Variants in MMEL1 observed in about 807,000 individuals in gnomAD.
MMEL1 encodes the protein membrane metalloendopeptidase like 1.
A neutral mutation model predicts 117.1 loss-of-function variants in MMEL1; 98 were observed. That is an observed-to-expected ratio of 0.84 (90% CI 0.71 to 0.99). MMEL1 has a LOEUF of 0.99. MMEL1 is among the 50% of genes least tolerant of loss of function. MMEL1 has a pLI of 0.00. For missense variants in MMEL1, 1,014 were observed against 1,049.1 expected, an observed-to-expected ratio of 0.97 and a Z score of 0.46; for synonymous variants, 390 against 415.1, an observed-to-expected ratio of 0.94 and a Z score of 0.74.
intron 6 of MMEL1, 146 bp downstream of exon 6, chr1:2,609,193 A>G (rs1645085082): frequency 1.3e-6 from 1 of 765,456 alleles, no homozygotes; most frequent in Non-Finnish European, 2.1e-6. Context: ...AGCGGGACAC[A>G]GCACATAGAC....
rs143836980 is a variant in MMEL1, at chr1:2,609,864, G to A, written c.293-33C>T. Reference sequence around the variant, plus strand: ...TCCCCATGGCGTGGAGCAGGGAGAGGGGAGACAGAGAGAGTTGTGGACAGC... The same window carrying A: ...TCCCCATGGCGTGGAGCAGGGAGAGAGGAGACAGAGAGAGTTGTGGACAGC... On this transcript the variant is annotated intron_variant, in intron 4 of 23. Coordinates refer to ENST00000378412, the MANE Select transcript of MMEL1 (RefSeq NM_033467.4). 2.4e-5 allele frequency: 38 copies of A among 1,579,012 alleles called. No individual in the cohort carries two copies. The African/African-American group carries it at 4.8e-4, about 20-fold the overall frequency.
In MMEL1 at chr1:2,609,574, G is replaced by A. The variant is rs1010121334; in HGVS notation, c.454+96C>T. The A allele has an allele frequency of 3.2e-6, 5 of 1,540,232 alleles. No homozygotes were observed. In the African/African-American group the frequency reaches 5.4e-5, roughly 17 times the overall value. ...CTGCGCCCACTGGACCAAGGAGGAA[G>A]CACAAACAGGGGCGAGACACAGCCA... On this transcript the variant is annotated intron_variant, in intron 5 of 23. Coordinates refer to ENST00000378412, the MANE Select transcript of MMEL1 (RefSeq NM_033467.4).
chr1:2,593,769 C>A (rs78027076), intron 19 of MMEL1, 45 bp downstream of exon 19: 1 of 1,528,438 alleles, frequency 6.5e-7, no homozygotes, highest in Non-Finnish European at 8.8e-7. Flanking sequence ...GCTGCTTCTC[C>A]GCGGAGAGGG....
At chr1:2,623,947 T>C (rs1645330492) in intron 2 of MMEL1, among the ~76,000 whole-genome samples, 3 of 152,194 alleles carry the variant, frequency 2.0e-5, no homozygotes, top group Non-Finnish European at 1.5e-5. Flanking sequence ...CAGGAGATCC[T>C]TGTGGGCCCA....
rs1644832160 is a variant in MMEL1, at chr1:2,596,001, C to T, written c.1500+8G>A. 1 of 1,613,128 alleles carries T rather than the reference C, an allele frequency of 6.2e-7. No individual in the cohort carries two copies. The highest frequency in any genetic ancestry group is 8.5e-7 in the Non-Finnish European group (1 of 1,179,322). ...TCGGGGCTGCCCTGACCTCTGCGAG[C>T]CACATACCTTCTCCTGCGCCTTCTT... On this transcript the variant is annotated splice_region_variant and intron_variant, in intron 15 of 23. Transcript: ENST00000378412.
In MMEL1 at chr1:2,593,040, C is replaced by T. The variant is rs1644768159; in HGVS notation, c.1868-74G>A. The T allele has an allele frequency of 2.6e-6, 4 of 1,556,372 alleles. No individual in the cohort carries two copies. In the East Asian group the frequency reaches 9.0e-5, roughly 35 times the overall value. Reference sequence around the variant, plus strand: ...GCCTGGCCCCACGGCAGCCACTGTGCCTGGCCGCTCCTGCCCCTCCTGCAG... The same window carrying T: ...GCCTGGCCCCACGGCAGCCACTGTGTCTGGCCGCTCCTGCCCCTCCTGCAG... On this transcript the variant is annotated intron_variant, in intron 19 of 23. Transcript: ENST00000378412.
intron 2 of MMEL1, among the ~76,000 whole-genome samples, chr1:2,617,601 A>C (rs1645224610): frequency 6.6e-6 from 1 of 152,090 alleles, no homozygotes; most frequent in South Asian, 2.1e-4. Context: ...TTCTATCTCA[A>C]AAAAAAGAAG....
chr1:2,629,028 C>CGGCGGAGGCGGA (rs540228927), intron 2 of MMEL1, among the ~76,000 whole-genome samples: 10 of 151,710 alleles, frequency 6.6e-5, no homozygotes, highest in South Asian at 2.1e-4. Context: ...TCCGGGAGTC[C>CGGCGGAGGCGGA]GGCGGAGGCG....
chr1:2,629,548 G>T, intron 1 of MMEL1, 27 bp from the exon 2 acceptor site: 1 of 1,395,778 alleles, frequency 7.2e-7, no homozygotes, highest in Non-Finnish European at 9.3e-7. Flanking sequence ...GGGGAGAGGG[G>T]AGAGGGGCGT....
Position 2,594,844 on chromosome 1 carries a change from T to A in MMEL1, c.1634A>T (p.Lys545Met). Residue 545 changes from lysine to methionine, a missense_variant, in exon 17 of 24, where the codon AAG (lysine) becomes ATG (methionine). By Grantham distance (95) the Lys-to-Met change is moderately conservative. Transcript: ENST00000378412. ...LYFENSLQNL[K>M]VGAQRSLRKL... ...CCTGAGGCTCCGCTGGGCGCCCACC[T>A]TGAGGTTCTGCAGACTGTTCTCAAA... is the stretch of plus-strand genomic sequence containing the variant. 2 of 1,613,932 alleles carry A rather than the reference T, an allele frequency of 1.2e-6. No individual in the cohort carries two copies. The highest frequency in any genetic ancestry group is 1.7e-6 in the Non-Finnish European group (2 of 1,179,958).
Position 2,612,075 on chromosome 1 carries a change from A to G in MMEL1, c.232+52T>C. The G allele has an allele frequency of 1.4e-6, 2 of 1,467,860 alleles. No homozygotes were observed. Among genetic ancestry groups the G allele is most frequent in the Non-Finnish European group, 1.9e-6 (2 of 1,069,572 alleles). 90.9% of individuals were successfully genotyped at this position (1,467,860 alleles called of 1,614,324 possible). The stretch of plus-strand genomic sequence containing the variant: ...CTCCACGGAGTCCCCCCACCTTGGG[A>G]GGCCAGCGCCCACCTGCCTGGGGCT... On this transcript the variant is annotated intron_variant, in intron 3 of 23. Transcript: ENST00000378412. The surrounding 1 kb of genome is among the most constrained non-coding windows in gnomAD (Gnocchi z 5.4).
rs754727791 is a variant in MMEL1 at position 2,595,336 on chromosome 1, G to A, written c.1524C>T (p.Ile508=). The part of the protein sequence containing the change: ...QEKAMSIREQ[I]GHPDYILEEM... ...CCTCCAGGATGTAGTCAGGGTGCCC[G>A]ATCTGCTCCCGGATGCTCATGGCCT... The change falls in exon 16 of 24, where the codon ATC becomes ATT. Residue 508 remains isoleucine (I), a synonymous_variant. Transcript: ENST00000378412. This position sits in a 1 kb window ranked among gnomAD's most constrained non-coding sequence, Gnocchi z 4.8. 12 of 1,613,894 alleles carry A rather than the reference G, an allele frequency of 7.4e-6. No individual in the cohort carries two copies. Among genetic ancestry groups the A allele is most frequent in the Admixed American group, 1.7e-5 (1 of 60,010 alleles).
chr1:2,629,709 C>G (rs186194316), intron 1 of MMEL1, 188 bp from the exon 2 acceptor site: 2 of 522,602 alleles, frequency 3.8e-6, no homozygotes, highest in African/African-American at 4.0e-5. Flanking sequence ...ACCCCTGGGC[C>G]GGAATCTCTG....
At chr1:2,608,629 C>T (rs1034896500) in intron 6 of MMEL1, among the ~76,000 whole-genome samples, 1 of 151,948 alleles carries the variant, frequency 6.6e-6, no homozygotes, top group Non-Finnish European at 1.5e-5. Flanking sequence ...CACATACATG[C>T]ACACACAACA....
Position 2,591,042 on chromosome 1 carries a change from T to C in MMEL1, c.2288A>G (p.His763Arg), listed in dbSNP as rs1166339125. Residue 763 changes from histidine (H) to arginine (R), a missense_variant, in exon 24 of 24, where the codon CAC (histidine) becomes CGC (arginine). Transcript: ENST00000378412. Reference sequence around the variant, plus strand: ...GTGCATGGGGGTGCCCCGGGCACAGTGGAACGTGTCTGCGAAGGCGGCCAG... The same window carrying C: ...GTGCATGGGGGTGCCCCGGGCACAGCGGAACGTGTCTGCGAAGGCGGCCAG... ...QNLAAFADTF[H>R]CARGTPMHPK... The C allele has an allele frequency of 1.2e-6, 2 of 1,606,568 alleles. No homozygotes were observed. Among genetic ancestry groups the C allele is most frequent in the Admixed American group, 3.4e-5 (2 of 59,150 alleles).
At chr1:2,606,478 G>C in intron 7 of MMEL1, 112 bp from the exon 8 acceptor site, 4 of 737,732 alleles carry the variant, frequency 5.4e-6, no homozygotes, top group Non-Finnish European at 9.0e-6. Context: ...ATAGGGTGGG[G>C]AGCTCACCTG....
At chr1:2,616,459 C>T (rs1645202696) in intron 2 of MMEL1, among the ~76,000 whole-genome samples, 1 of 151,624 alleles carries the variant, frequency 6.6e-6, no homozygotes, top group Non-Finnish European at 1.5e-5. Flanking sequence ...ATGGAATGAG[C>T]TCTTTAAGTC....
At chr1:2,599,606 C>A (rs1644898737) in intron 11 of MMEL1, among the ~76,000 whole-genome samples, 1 of 152,110 alleles carries the variant, frequency 6.6e-6, no homozygotes. Context: ...GCCTGTAATC[C>A]CAACACTTTG....
intron 11 of MMEL1, 45 bp from the exon 12 acceptor site, chr1:2,598,835 G>GC: frequency 6.9e-7 from 1 of 1,449,312 alleles, no homozygotes; most frequent in Non-Finnish European, 9.6e-7. Flanking sequence ...GAGAGAGAGG[G>GC]AGAAACAGTT....
Sources: allele counts gnomAD v4.1 joint callset (sites outside exome capture counted in the v4.1 genomes callset), GRCh38; gene constraint gnomAD v4.1.1; non-coding constraint Gnocchi (gnomAD v3.1); transcripts MANE v1.5; gene names NCBI Gene and HGNC (gene_info 2026-07-23, HGNC 2026-07-21).